PPP2R2B: variants seen among roughly 807,000 people sequenced by gnomAD.
PPP2R2B encodes serine/threonine-protein phosphatase 2A 55 kDa regulatory subunit B beta isoform.
In PPP2R2B, 5 loss-of-function variants were observed where a neutral mutation model predicts 46.0. The ratio of observed to expected loss-of-function variants is 0.11; its 90% confidence interval spans 0.06 to 0.23. The LOEUF is 0.23. Ranked by LOEUF, PPP2R2B falls within the 10% of genes least tolerant of loss-of-function variation. The pLI is 1.00. For synonymous variants in PPP2R2B, 215 were observed against 206.7 expected (o/e 1.04, Z -0.34); for missense variants, 367 against 575.0 (o/e 0.64, Z 3.70).
chr5:146,858,523 C>A (rs1380840877), intron 2 of PPP2R2B, among the ~76,000 whole-genome samples: 1 of 152,042 alleles, frequency 6.6e-6, no homozygotes. Context: ...ATCTTCTTAT[C>A]AAAGATTTCA....
At chr5:146,842,774 G>T (rs1272089220) in intron 2 of PPP2R2B, among the ~76,000 whole-genome samples, 1 of 152,096 alleles carries the variant, frequency 6.6e-6, no homozygotes, top group East Asian at 1.9e-4. Context: ...AGTTTGCTAG[G>T]GATAACGGCC....
chr5:146,918,396 T>C (rs978474825), intron 1 of PPP2R2B: 3 of 152,192 alleles, frequency 2.0e-5, no homozygotes, highest in African/African-American at 4.8e-5. Flanking sequence ...ATACTTAGAA[T>C]GATGAAGTTG....
rs563652431 is a variant in PPP2R2B at position 146,791,817 on chromosome 5, A to G, written c.70+86185T>C. Among the ~76,000 whole-genome samples, 178 of 152,254 alleles carry G rather than the reference A, an allele frequency of 1.2e-3. 2 individuals carry two copies. Among genetic ancestry groups the G allele is most frequent in the African/African-American group, 3.9e-3 (164 of 41,560 alleles). ...ACCACTGGCTGTCTCCCAGCAACCC[A>G]TTCTTTTCTTCTTCTGCCAATAATC... On this transcript the variant is annotated intron_variant, in intron 2 of 9. Transcript: ENST00000394411.
chr5:147,061,196 CAAAG>C (rs1757247087), intron 2 of PPP2R2B, among the ~76,000 whole-genome samples: 1 of 151,920 alleles, frequency 6.6e-6, no homozygotes, highest in African/African-American at 2.4e-5. Context: ...TTTATATTCT[CAAAG>C]AAAGAGGTAG....
At chr5:146,777,954 T>C (rs1267566641) in intron 2 of PPP2R2B, among the ~76,000 whole-genome samples, 2 of 152,164 alleles carry the variant, frequency 1.3e-5, no homozygotes, top group Admixed American at 1.3e-4. Flanking sequence ...AATTGTATGG[T>C]AGCCCAGCAG....
intron 3 of PPP2R2B, among the ~76,000 whole-genome samples, chr5:146,699,661 G>GTTTTTTTTTTTTTTTTTTTTTTTTTTTTT (rs11388336): frequency 8.5e-6 from 1 of 118,056 alleles, no homozygotes; most frequent in Non-Finnish European, 1.7e-5. Context: ...AACTTAATTG[G>GTTTTTTTTTTTTTTTTTTTTTTTTTTTTT]TTTTTTTTTT....
intron 2 of PPP2R2B, among the ~76,000 whole-genome samples, chr5:146,759,551 T>G (rs1303199158): frequency 6.6e-6 from 1 of 152,190 alleles, no homozygotes; most frequent in Non-Finnish European, 1.5e-5. Context: ...AAACTCTTAC[T>G]TATCCTCCAA....
At chr5:146,935,302 T>C (rs1476429149) in intron 1 of PPP2R2B, among the ~76,000 whole-genome samples, 1 of 152,194 alleles carries the variant, frequency 6.6e-6, no homozygotes, top group Non-Finnish European at 1.5e-5. Context: ...GAAGGCACTG[T>C]CTATGAGCCA....
At chr5:146,643,479 C>A (rs1775364077) in intron 6 of PPP2R2B, among the ~76,000 whole-genome samples, 1 of 152,076 alleles carries the variant, frequency 6.6e-6, no homozygotes, top group Non-Finnish European at 1.5e-5. Context: ...CTCTATATGT[C>A]CTAGATTGAA....
At chr5:147,079,858 T>C (rs190765366) in intron 2 of PPP2R2B, among the ~76,000 whole-genome samples, 2 of 152,194 alleles carry the variant, frequency 1.3e-5, no homozygotes. Context: ...CACAAATAAA[T>C]GATAAATATA....
intron 1 of PPP2R2B, among the ~76,000 whole-genome samples, chr5:146,885,410 C>T (rs770062104): frequency 2.4e-4 from 37 of 152,114 alleles, no homozygotes; most frequent in Admixed American, 1.0e-3. Flanking sequence ...AACCATTCAC[C>T]GCTAGATTCT....
intron 8 of PPP2R2B, 60 bp downstream of exon 8, chr5:146,600,231 T>G (rs1379919091): frequency 6.4e-7 from 1 of 1,556,426 alleles, no homozygotes; most frequent in East Asian, 2.3e-5. Context: ...AAGCAGGGGC[T>G]GACTTAAAAG....
intron 1 of PPP2R2B, among the ~76,000 whole-genome samples, chr5:146,916,830 T>C (rs961808642): frequency 6.6e-6 from 1 of 152,220 alleles, no homozygotes; most frequent in African/African-American, 2.4e-5. Flanking sequence ...GAAAATTAAA[T>C]TGAACCAGTT....
intron 2 of PPP2R2B, among the ~76,000 whole-genome samples, chr5:146,827,615 T>C (rs752626891): frequency 1.3e-5 from 2 of 152,148 alleles, no homozygotes; most frequent in African/African-American, 2.4e-5. Context: ...AAAACCAATA[T>C]AGTCTTGCCC....
At chr5:146,829,288 C>T (rs1306122330) in intron 2 of PPP2R2B, among the ~76,000 whole-genome samples, 1 of 152,130 alleles carries the variant, frequency 6.6e-6, no homozygotes, top group Admixed American at 6.5e-5. Flanking sequence ...TAATCTGTGA[C>T]TCATTGGTAA....
intron 7 of PPP2R2B, among the ~76,000 whole-genome samples, chr5:146,636,233 T>G (rs1166447023): frequency 1.3e-5 from 2 of 152,186 alleles, no homozygotes; most frequent in African/African-American, 4.8e-5. Flanking sequence ...CCGGGGTACC[T>G]GTATATATCC....
intron 2 of PPP2R2B, among the ~76,000 whole-genome samples, chr5:146,850,695 T>C (rs1760292924): frequency 1.3e-5 from 2 of 152,162 alleles, no homozygotes; most frequent in African/African-American, 4.8e-5. Flanking sequence ...AATCCTCTTA[T>C]TACACACTCT....
intron 2 of PPP2R2B, among the ~76,000 whole-genome samples, chr5:146,794,326 G>A (rs1756388734): frequency 6.6e-6 from 1 of 152,182 alleles, no homozygotes; most frequent in African/African-American, 2.4e-5. Flanking sequence ...ACTTTGCAGA[G>A]CAAATGGTAG....
intron 2 of PPP2R2B, among the ~76,000 whole-genome samples, chr5:146,762,610 T>A (rs933564978): frequency 6.6e-5 from 10 of 152,220 alleles, no homozygotes; most frequent in Non-Finnish European, 1.0e-4. Flanking sequence ...TCTGGTCTAA[T>A]CCATTCTATT....
Sources: allele counts gnomAD v4.1 joint callset (sites outside exome capture counted in the v4.1 genomes callset), GRCh38; gene constraint gnomAD v4.1.1; transcripts MANE v1.5; gene names NCBI Gene and HGNC (gene_info 2026-07-23, HGNC 2026-07-21).